LRRC63: variants seen among roughly 807,000 people sequenced by gnomAD.
LRRC63 encodes leucine rich repeat containing 63.
LRRC63 carries 40 observed loss-of-function variants against 49.5 expected under a neutral mutation model. The ratio of observed to expected loss-of-function variants is 0.81; its 90% CI spans 0.63 to 1.05. The LOEUF (loss-of-function observed/expected upper bound fraction) is 1.05. Ranked by LOEUF, LRRC63 falls within the 50% of genes least tolerant of loss-of-function variation. The pLI, the probability that LRRC63 is intolerant of heterozygous loss-of-function variation, is 0.00. For synonymous variants in LRRC63, 191 were observed against 221.1 expected (o/e 0.86, Z 1.21); for missense variants, 636 against 663.1 (o/e 0.96, Z 0.45).
intron 9 of LRRC63, chr13:46,270,590 A>G: frequency 1.2e-6 from 1 of 839,382 alleles, no homozygotes; most frequent in Non-Finnish European, 2.1e-6. Flanking sequence ...AGTCATGGTG[A>G]AATGCATTAA....
At chr13:46,224,494 C>A (rs1051552235) in intron 2 of LRRC63, among the ~76,000 whole-genome samples, 1 of 152,054 alleles carries the variant, frequency 6.6e-6, no homozygotes, top group Non-Finnish European at 1.5e-5. Context: ...TTTGTATTTT[C>A]TAGAATTCTC....
chr13:46,227,478 ATAATT>A, intron 2 of LRRC63, 29 bp from the exon 3 acceptor site: 1 of 1,302,014 alleles, frequency 7.7e-7, no homozygotes, highest in African/African-American at 1.5e-5. Context: ...ATTGATAAAT[ATAATT>A]TAATTTTTCT....
At chr13:46,220,538 T>C (rs927992961) in intron 2 of LRRC63, among the ~76,000 whole-genome samples, 10 of 151,948 alleles carry the variant, frequency 6.6e-5, no homozygotes, top group Non-Finnish European at 1.0e-4. Flanking sequence ...CTTGCTCAGC[T>C]CCATGGGGGT....
Position 46,213,215 on chromosome 13 carries a change from C to T in LRRC63, c.85+96C>T, listed in dbSNP as rs183225329. On this transcript the variant is annotated intron_variant, in intron 2 of 9. Transcript: ENST00000595396. ...CTCAGAATCACAATAAATACACTCA[C>T]TAATAACTTACAAATGTTTGTTGTC... 6 of 716,506 alleles carry T rather than the reference C, an allele frequency of 8.4e-6. No homozygotes were observed. The Admixed American group carries it at 1.7e-4, about 20-fold the overall frequency. The allele number at this position is 716,506 out of a possible 1,614,324, so 44.4% of individuals were successfully genotyped here.
intron 7 of LRRC63, among the ~76,000 whole-genome samples, chr13:46,257,864 C>A (rs9595448): frequency 0.077 from 11,713 of 151,972 alleles, 1,493 homozygotes; most frequent in African/African-American, 0.27. Flanking sequence ...CTTTTTAATT[C>A]TTTTCATTAT....
At position 46,246,526 on chromosome 13, in the gene LRRC63, G is replaced by T; in HGVS notation, c.991-1G>T. ...CCTTATCTCTTGTCACTTTCTTTTA[G>T]GGCTTTTTTATCCTAAATTGTCCAG... is the stretch of plus-strand genomic sequence containing the variant. On this transcript the variant is annotated splice_acceptor_variant, in intron 5 of 9. Transcript: ENST00000595396. LOFTEE classifies it high-confidence loss of function. 7.0e-7 allele frequency: 1 copy of T among 1,428,084 alleles called. No homozygotes were observed. Among genetic ancestry groups the T allele is most frequent in the Non-Finnish European group, 9.2e-7 (1 of 1,086,636 alleles). The allele number at this position is 1,428,084 out of a possible 1,614,324, so 88.5% of individuals were successfully genotyped here. A position where few individuals can be genotyped will look rare whatever the true frequency, so the allele number is the denominator to read the frequency against.
chr13:46,276,725 A>G, exon 10 of LRRC63: 1 of 1,229,288 alleles, frequency 8.1e-7, no homozygotes, highest in Non-Finnish European at 1.0e-6. Flanking sequence ...ATAGAAGAAT[A>G]AAGGAAAGCA....
At chr13:46,224,497 GA>G (rs1215492182) in intron 2 of LRRC63, among the ~76,000 whole-genome samples, 1 of 151,888 alleles carries the variant, frequency 6.6e-6, no homozygotes, top group East Asian at 1.9e-4. Context: ...GTATTTTCTA[GA>G]ATTCTCTTGT....
intron 9 of LRRC63, among the ~76,000 whole-genome samples, chr13:46,268,091 A>T (rs980804218): frequency 1.3e-5 from 2 of 152,244 alleles, no homozygotes; most frequent in African/African-American, 4.8e-5. Flanking sequence ...GGAAAAAGCA[A>T]AACAATCAAA....
At chr13:46,259,407 A>C (rs1266552489) in intron 7 of LRRC63, among the ~76,000 whole-genome samples, 1 of 152,218 alleles carries the variant, frequency 6.6e-6, no homozygotes, top group African/African-American at 2.4e-5. Context: ...AAAAGTCTTT[A>C]TCTTTTTCTC....
intron 4 of LRRC63, among the ~76,000 whole-genome samples, chr13:46,230,662 G>C (rs1374163491): frequency 6.6e-6 from 1 of 152,134 alleles, no homozygotes; most frequent in East Asian, 1.9e-4. Flanking sequence ...TTTGTATTTG[G>C]ATCCTTTTTA....
At chr13:46,261,730 T>C (rs2047618010) in intron 7 of LRRC63, among the ~76,000 whole-genome samples, 179 bp from the exon 8 acceptor site, 1 of 152,192 alleles carries the variant, frequency 6.6e-6, no homozygotes, top group African/African-American at 2.4e-5. Flanking sequence ...AATGGATAGA[T>C]GAGTAATTCT....
At chr13:46,212,462 G>T (rs1173069722) in intron 1 of LRRC63, among the ~76,000 whole-genome samples, 1 of 152,110 alleles carries the variant, frequency 6.6e-6, no homozygotes, top group African/African-American at 2.4e-5. Flanking sequence ...CTTATTTTAG[G>T]ATTGAATTGT....
chr13:46,276,841 T>A (rs1316057096), exon 10 of LRRC63: 2 of 150,106 alleles, frequency 1.3e-5, no homozygotes, highest in Non-Finnish European at 2.5e-5. Flanking sequence ...TATATATATA[T>A]ATATATATAT....
intron 7 of LRRC63, among the ~76,000 whole-genome samples, chr13:46,252,905 T>G (rs903017025): frequency 6.6e-6 from 1 of 152,036 alleles, no homozygotes; most frequent in African/African-American, 2.4e-5. Flanking sequence ...CCTTATGAGC[T>G]AAGGTAAAGA....
chr13:46,226,235 C>T (rs557725450), intron 2 of LRRC63, among the ~76,000 whole-genome samples: 6 of 152,130 alleles, frequency 3.9e-5, no homozygotes, highest in Admixed American at 6.5e-5. Context: ...CCTGCTATCT[C>T]AGCATCCCAA....
intron 6 of LRRC63, among the ~76,000 whole-genome samples, chr13:46,248,937 AG>A (rs1312164965): frequency 6.6e-6 from 1 of 151,890 alleles, no homozygotes; most frequent in East Asian, 1.9e-4. Context: ...AAATTACAAA[AG>A]TCTATTTTTG....
Position 46,213,103 on chromosome 13 carries a change from GA to G in LRRC63, c.76del (p.Thr26ProfsTer14), listed in dbSNP as rs1319697316. 7 of 1,545,574 alleles carry G rather than the reference GA, an allele frequency of 4.5e-6. No individual in the cohort carries two copies. Among genetic ancestry groups the G allele is most frequent in the Non-Finnish European group, 5.2e-6 (6 of 1,144,158 alleles). The stretch of plus-strand genomic sequence containing the variant: ...AATTCACTAAGCTGTCTTTACATGA[GA>G]AAAAAACCCATACAGGTATGTGTAT... On this transcript the variant is annotated frameshift_variant, in exon 2 of 10. Coordinates refer to ENST00000595396, the Ensembl canonical transcript of LRRC63. LOFTEE classifies it high-confidence loss of function.
chr13:46,264,834 G>A (rs1485174049), intron 8 of LRRC63, among the ~76,000 whole-genome samples: 1 of 152,206 alleles, frequency 6.6e-6, no homozygotes, highest in Admixed American at 6.5e-5. Context: ...TGCCAAGGCA[G>A]TCTCAACACA....
Sources: allele counts gnomAD v4.1 joint callset (sites outside exome capture counted in the v4.1 genomes callset), GRCh38; gene constraint gnomAD v4.1.1; transcripts MANE v1.5; gene names NCBI Gene and HGNC (gene_info 2026-07-23, HGNC 2026-07-21).